Variants in SLC22A23 observed in about 807,000 individuals in gnomAD.
SLC22A23 encodes solute carrier family 22 member 23.
In SLC22A23, 26 loss-of-function variants were observed where a neutral mutation model predicts 61.0. The ratio of observed to expected loss-of-function variants is 0.43; its 90% CI spans 0.31 to 0.59. The LOEUF (loss-of-function observed/expected upper bound fraction) is 0.59, where lower values mean the gene tolerates loss of function less well. SLC22A23 is among the 20% of genes least tolerant of loss of function. The pLI is 0.11. For synonymous variants in SLC22A23, 430 were observed against 413.9 expected, an observed-to-expected ratio of 1.04 and a Z score of -0.47; for missense variants, 796 against 934.7, an observed-to-expected ratio of 0.85 and a Z score of 1.94.
chr6:3,275,615 C>A (rs1459360975), intron 9 of SLC22A23, among the ~76,000 whole-genome samples: 1 of 152,178 alleles, frequency 6.6e-6, no homozygotes, highest in African/African-American at 2.4e-5. Context: ...TTGAGAGTCT[C>A]ACTGTCGCAC....
At chr6:3,425,951 G>T (rs1471867683) in intron 1 of SLC22A23, among the ~76,000 whole-genome samples, 1 of 152,176 alleles carries the variant, frequency 6.6e-6, no homozygotes, top group Non-Finnish European at 1.5e-5. Flanking sequence ...ACAGGTTATA[G>T]CATTTGTCTG....
chr6:3,427,824 T>A lies in SLC22A23; in HGVS notation c.655-11969A>T, dbSNP rs1160725755. Among the ~76,000 whole-genome samples, 3 of 152,056 alleles carry A rather than the reference T, an allele frequency of 2.0e-5. No homozygotes were observed. Among genetic ancestry groups the A allele is most frequent in the African/African-American group, 4.8e-5 (2 of 41,290 alleles). On this transcript the variant is annotated intron_variant, in intron 1 of 9. Coordinates refer to ENST00000406686, the MANE Select transcript of SLC22A23 (RefSeq NM_015482.2). This position sits in a 1 kb window ranked among gnomAD's most constrained non-coding sequence, Gnocchi z 4.3. ...TCTTCCTTTGAACTAACTATTAATC[T>A]TCTAAAAACACCGTGCCAAACTGGC...
intron 3 of SLC22A23, among the ~76,000 whole-genome samples, chr6:3,394,634 C>A (rs940574510): frequency 3.3e-5 from 5 of 152,104 alleles, no homozygotes; most frequent in African/African-American, 9.7e-5. Flanking sequence ...CAGAGTGATC[C>A]CCCCCAAACA....
At position 3,297,481 on chromosome 6, in the gene SLC22A23, G is replaced by A. The variant is rs1761211312; in HGVS notation, c.1210+610C>T. On this transcript the variant is annotated intron_variant, in intron 5 of 9. Coordinates refer to ENST00000406686, the MANE Select transcript of SLC22A23 (RefSeq NM_015482.2). This position sits in a 1 kb window ranked among gnomAD's most constrained non-coding sequence, Gnocchi z 4.3. Reference sequence around the variant, plus strand: ...GGCTTATCCCAAATCTAACAGGTCAGGATCTCCAGGTGCCAGGGAGAGGCC... The same window carrying A: ...GGCTTATCCCAAATCTAACAGGTCAAGATCTCCAGGTGCCAGGGAGAGGCC... 6.6e-6 allele frequency among the ~76,000 whole-genome samples: 1 copy of A among 152,202 alleles called. No homozygotes were observed. Among genetic ancestry groups the A allele is most frequent in the Non-Finnish European group, 1.5e-5 (1 of 68,040 alleles).
At chr6:3,307,747 G>A (rs943451520) in intron 4 of SLC22A23, among the ~76,000 whole-genome samples, 9 of 152,270 alleles carry the variant, frequency 5.9e-5, no homozygotes, top group Non-Finnish European at 1.2e-4. Flanking sequence ...TTACAGTGGA[G>A]GATTCCAGGG....
chr6:3,355,814 C>T lies in SLC22A23; in HGVS notation c.914-31812G>A, dbSNP rs1220952618. ...CTGCACAAACCCCAGCTCTCAAAGC[C>T]GGCGTCGCTCTCACTCATTCCCTGT... is the stretch of plus-strand genomic sequence containing the variant. On this transcript the variant is annotated intron_variant, in intron 3 of 9. Transcript: ENST00000406686. 5.3e-5 allele frequency among the ~76,000 whole-genome samples: 8 copies of T among 151,258 alleles called. No individual in the cohort carries two copies. The South Asian group carries it at 6.3e-4, about 12-fold the overall frequency.
chr6:3,396,023 CA>C (rs1166343599), intron 3 of SLC22A23, among the ~76,000 whole-genome samples: 1 of 152,128 alleles, frequency 6.6e-6, no homozygotes, highest in Non-Finnish European at 1.5e-5. Context: ...TATTTCAAGT[CA>C]AAAAAAGATG....
At chr6:3,395,083 T>A (rs1432430538) in intron 3 of SLC22A23, among the ~76,000 whole-genome samples, 1 of 152,216 alleles carries the variant, frequency 6.6e-6, no homozygotes, top group Non-Finnish European at 1.5e-5. Flanking sequence ...ATTGTAGCCA[T>A]CTCTGGGTGT....
intron 9 of SLC22A23, among the ~76,000 whole-genome samples, chr6:3,275,621 C>T (rs748336790): frequency 9.2e-5 from 14 of 152,188 alleles, no homozygotes; most frequent in African/African-American, 1.4e-4. Context: ...GTCTCACTGT[C>T]GCACAGGCTG....
Position 3,287,008 on chromosome 6 carries a change from T to G in SLC22A23, c.1397A>C (p.Tyr466Ser), listed in dbSNP as rs775414659. The change falls in exon 7 of 10, where the codon TAT (tyrosine) becomes TCT (serine). Residue 466 changes from tyrosine to serine, a missense_variant. Tyr to Ser is a moderately radical substitution (Grantham distance 144). Coordinates refer to ENST00000406686, the MANE Select transcript of SLC22A23 (RefSeq NM_015482.2). Reference protein sequence around the residue: ...EVKVPLLENFYADYYTTASIA... With the variant: ...EVKVPLLENFSADYYTTASIA... ...GCTGGCCGTGGTATAGTAGTCAGCA[T>G]AGAAGTTCTCCAGGAGCGGCACCTT... 2 of 1,614,192 alleles carry G rather than the reference T, an allele frequency of 1.2e-6. No homozygotes were observed. The highest frequency in any genetic ancestry group is 2.2e-5 in the South Asian group (2 of 91,086).
chr6:3,438,392 C>T (rs1771361513), intron 1 of SLC22A23: 1 of 387,888 alleles, frequency 2.6e-6, no homozygotes, highest in East Asian at 7.4e-5. Context: ...GCAGATGTTT[C>T]ACTGGGACTA....
At chr6:3,273,562 A>G (rs1758629216) in intron 9 of SLC22A23, 150 bp from the exon 10 acceptor site, 2 of 736,482 alleles carry the variant, frequency 2.7e-6, no homozygotes, top group East Asian at 2.7e-5. Context: ...GTCCCATGTC[A>G]CCAGCACCCT....
chr6:3,419,978 A>T (rs753151651), intron 1 of SLC22A23, among the ~76,000 whole-genome samples: 5 of 152,216 alleles, frequency 3.3e-5, no homozygotes, highest in Non-Finnish European at 7.3e-5. Context: ...CATTCCCTAC[A>T]GAACAATGAA....
At chr6:3,320,676 AG>A (rs1464726924) in intron 4 of SLC22A23, among the ~76,000 whole-genome samples, 1 of 152,208 alleles carries the variant, frequency 6.6e-6, no homozygotes, top group Non-Finnish European at 1.5e-5. Flanking sequence ...ACAATAAAAA[AG>A]GGTAGGCAAT....
intron 3 of SLC22A23, among the ~76,000 whole-genome samples, chr6:3,405,922 C>A (rs1768794049): frequency 6.6e-6 from 1 of 152,154 alleles, no homozygotes; most frequent in Admixed American, 6.5e-5. Flanking sequence ...TGTGAAATTC[C>A]TGGTTGCTCC....
At chr6:3,417,519 T>C (rs1328689) in intron 1 of SLC22A23, among the ~76,000 whole-genome samples, 26 of 151,960 alleles carry the variant, frequency 1.7e-4, no homozygotes, top group African/African-American at 6.3e-4. Flanking sequence ...CAGGGTTAAC[T>C]TCCTTCCATG....
At chr6:3,281,585 G>A (rs527382826) in intron 9 of SLC22A23, among the ~76,000 whole-genome samples, 3 of 152,274 alleles carry the variant, frequency 2.0e-5, no homozygotes, top group Non-Finnish European at 2.9e-5. Context: ...CTAGTTCTGT[G>A]CTAAGAAAGA....
At chr6:3,376,226 C>T (rs1766550775) in intron 3 of SLC22A23, among the ~76,000 whole-genome samples, 1 of 152,214 alleles carries the variant, frequency 6.6e-6, no homozygotes, top group Non-Finnish European at 1.5e-5. Context: ...AGACTGGACA[C>T]CCAGCTGCCT....
At chr6:3,391,138 G>A (rs990972493) in intron 3 of SLC22A23, among the ~76,000 whole-genome samples, 5 of 152,264 alleles carry the variant, frequency 3.3e-5, no homozygotes, top group Admixed American at 1.3e-4. Context: ...AAGGAAGAGA[G>A]TGACTCTAGG....
Sources: gnomAD v4.1 joint callset for allele counts (sites outside exome capture counted in the v4.1 genomes callset) on GRCh38, gnomAD v4.1.1 for gene constraint, Gnocchi (gnomAD v3.1) non-coding constraint, MANE v1.5 for transcripts, NCBI Gene and HGNC (gene_info 2026-07-23, HGNC 2026-07-21) for gene names.